PPM1H: variants seen among roughly 807,000 people sequenced by gnomAD.
PPM1H encodes the protein protein phosphatase 1H.
PPM1H carries 27 observed loss-of-function variants against 54.9 expected under a neutral mutation model. That is an observed-to-expected ratio of 0.49 (90% CI 0.36 to 0.68). The LOEUF is 0.68. PPM1H is among the 30% of genes least tolerant of loss of function. The pLI, the probability that PPM1H is intolerant of heterozygous loss-of-function variation, is 0.00. For missense variants in PPM1H, 596 were observed against 667.8 expected (o/e 0.89, Z 1.19); for synonymous variants, 305 against 270.8 (o/e 1.13, Z -1.24).
intron 1 of PPM1H, among the ~76,000 whole-genome samples, chr12:62,893,179 C>T (rs1592658819): frequency 6.6e-6 from 1 of 152,160 alleles, no homozygotes; most frequent in East Asian, 1.9e-4. Context: ...GGCCCCAAAG[C>T]TATGAGGCCT....
intron 4 of PPM1H, among the ~76,000 whole-genome samples, chr12:62,779,216 T>C (rs192893306): frequency 1.1e-3 from 160 of 152,106 alleles, no homozygotes; most frequent in African/African-American, 2.8e-3. Flanking sequence ...TTTTGTAATA[T>C]ATATATTTTT....
In PPM1H at chr12:62,717,586, C is replaced by A. The variant is rs558380535; in HGVS notation, c.1073+2585G>T. On this transcript the variant is annotated intron_variant, in intron 6 of 9. Coordinates refer to ENST00000228705, the MANE Select transcript of PPM1H (RefSeq NM_020700.2). ...ATAATCTAGTCCCTGAACTTAGCTA[C>A]ATTTTTTTTTTAATTATAAAACCAG... is the stretch of plus-strand genomic sequence containing the variant. Among the ~76,000 whole-genome samples, 24 of 151,298 alleles carry A rather than the reference C, an allele frequency of 1.6e-4. No individual in the cohort carries two copies. The South Asian group carries it at 2.1e-3, about 13-fold the overall frequency.
chr12:62,802,411 C>T (rs777246038), intron 2 of PPM1H, among the ~76,000 whole-genome samples: 11 of 152,170 alleles, frequency 7.2e-5, no homozygotes, highest in Non-Finnish European at 1.2e-4. Context: ...GTCTCTGCCT[C>T]CCCACCTAGC....
chr12:62,786,045 T>G (rs1396559774), intron 4 of PPM1H, among the ~76,000 whole-genome samples: 1 of 152,126 alleles, frequency 6.6e-6, no homozygotes, highest in Non-Finnish European at 1.5e-5. Flanking sequence ...AGTCACTTCC[T>G]TAGTCCCTGA....
chr12:62,760,298 A>C (rs763414167), intron 4 of PPM1H, among the ~76,000 whole-genome samples: 180 of 152,154 alleles, frequency 1.2e-3, no homozygotes, highest in Non-Finnish European at 2.1e-3. Flanking sequence ...GACTCGTCCC[A>C]AATCTTTCTT....
intron 1 of PPM1H, among the ~76,000 whole-genome samples, chr12:62,839,668 A>C (rs544824165): frequency 6.6e-6 from 1 of 152,112 alleles, no homozygotes; most frequent in African/African-American, 2.4e-5. Flanking sequence ...AATCCAAAAA[A>C]AAAAAAAAAG....
chr12:62,791,857 G>T (rs1479801594), intron 3 of PPM1H, among the ~76,000 whole-genome samples: 1 of 152,170 alleles, frequency 6.6e-6, no homozygotes, highest in Non-Finnish European at 1.5e-5. Context: ...CCGGGAGCCG[G>T]AGGTTGCAGT....
At chr12:62,755,327 AC>A in intron 4 of PPM1H, 1 of 1,151,462 alleles carries the variant, frequency 8.7e-7, no homozygotes, top group Non-Finnish European at 1.3e-6. Context: ...GCCATCAATG[AC>A]CCCTTCATTG....
chr12:62,844,377 G>T lies in PPM1H; in HGVS notation c.246-12098C>A, dbSNP rs145817107. ...AAATAATGTTCTGAGGGGCAAGGGG[G>T]GCGTCTTATCTCTGATGCTGCTTCT... is the stretch of plus-strand genomic sequence containing the variant. On this transcript the variant is annotated intron_variant, in intron 1 of 9. Transcript: ENST00000228705. This position sits in a 1 kb window ranked among gnomAD's most constrained non-coding sequence, Gnocchi z 5.2. 4.6e-5 allele frequency among the ~76,000 whole-genome samples: 7 copies of T among 152,216 alleles called. No individual in the cohort carries two copies. Among genetic ancestry groups the T allele is most frequent in the Non-Finnish European group, 8.8e-5 (6 of 68,006 alleles).
intron 6 of PPM1H, among the ~76,000 whole-genome samples, chr12:62,710,903 G>T (rs2076203803): frequency 6.6e-6 from 1 of 152,202 alleles, no homozygotes; most frequent in Non-Finnish European, 1.5e-5. Context: ...AATGATTATA[G>T]TATTAGAAAC....
intron 1 of PPM1H, among the ~76,000 whole-genome samples, chr12:62,926,603 A>G (rs1244631841): frequency 6.6e-6 from 1 of 152,248 alleles, no homozygotes; most frequent in East Asian, 1.9e-4. Flanking sequence ...AAGAGCTCTT[A>G]TAAATATGAA....
intron 4 of PPM1H, among the ~76,000 whole-genome samples, chr12:62,764,511 T>C (rs1370589863): frequency 1.3e-5 from 2 of 152,220 alleles, no homozygotes; most frequent in Non-Finnish European, 2.9e-5. Flanking sequence ...ATTAAATCCA[T>C]GTGACCTTGA....
intron 1 of PPM1H, among the ~76,000 whole-genome samples, chr12:62,860,383 T>C (rs1592640605): frequency 6.6e-6 from 1 of 152,186 alleles, no homozygotes; most frequent in African/African-American, 2.4e-5. Context: ...TTACAGGGGA[T>C]GTTGAAAAGA....
chr12:62,693,821 C>G, intron 7 of PPM1H, 115 bp downstream of exon 7: 4 of 916,172 alleles, frequency 4.4e-6, no homozygotes, highest in South Asian at 3.2e-5. Flanking sequence ...TTCAAGCTGT[C>G]AAGGCTATAA....
chr12:62,752,327 T>A (rs2076446818), intron 4 of PPM1H, among the ~76,000 whole-genome samples: 1 of 152,238 alleles, frequency 6.6e-6, no homozygotes, highest in Non-Finnish European at 1.5e-5. Context: ...GATAAATGTC[T>A]ACAAATGGGA....
intron 1 of PPM1H, among the ~76,000 whole-genome samples, chr12:62,927,561 C>T (rs902413162): frequency 6.6e-6 from 1 of 151,380 alleles, no homozygotes; most frequent in African/African-American, 2.4e-5. Flanking sequence ...TCTCAGGAGG[C>T]TGAGGCAGGA....
intron 6 of PPM1H, among the ~76,000 whole-genome samples, chr12:62,703,561 T>C (rs60572296): frequency 0.067 from 10,159 of 152,022 alleles, 439 homozygotes; most frequent in East Asian, 0.11. Context: ...GTCCCCCTTC[T>C]TGCCTTTCTA....
chr12:62,654,521 C>A (rs911173520), intron 9 of PPM1H, among the ~76,000 whole-genome samples: 7 of 152,190 alleles, frequency 4.6e-5, no homozygotes, highest in Non-Finnish European at 1.0e-4. Flanking sequence ...ATGTATAAAA[C>A]CCCAAGTCAA....
chr12:62,767,364 G>T lies in PPM1H; in HGVS notation c.869+20862C>A, dbSNP rs1039811540. On this transcript the variant is annotated intron_variant, in intron 4 of 9. Transcript: ENST00000228705. ...AGGGGGAAGGGAAATCCTAGAGGCC[G>T]AGCAGAGAGATTGTTTCAAGAGGAG... Among the ~76,000 whole-genome samples the T allele has an allele frequency of 2.0e-5, 3 of 152,292 alleles. No individual in the cohort carries two copies. The East Asian group carries it at 5.8e-4, about 29-fold the overall frequency.
Sources: allele counts gnomAD v4.1 joint callset (sites outside exome capture counted in the v4.1 genomes callset), GRCh38; gene constraint gnomAD v4.1.1; non-coding constraint Gnocchi (gnomAD v3.1); transcripts MANE v1.5; gene names NCBI Gene and HGNC (gene_info 2026-07-23, HGNC 2026-07-21).